CREB3L3: variants seen among roughly 807,000 people sequenced by gnomAD.
CREB3L3 encodes the protein cyclic AMP-responsive element-binding protein 3-like protein 3.
Under a neutral mutation model 44.6 loss-of-function variants are expected in CREB3L3, and 40 were observed. The observed-to-expected ratio is 0.90, with a 90% CI of 0.70 to 1.17. CREB3L3 has a LOEUF of 1.17. Among genes scored for constraint, CREB3L3 ranks in the 50% most tolerant of loss-of-function variants. The probability of loss-of-function intolerance (pLI) is 0.00; values close to 1 mark genes in which losing one functional copy is unlikely to be tolerated. For missense variants in CREB3L3, 578 were observed against 595.8 expected (o/e 0.97, Z 0.31); for synonymous variants, 273 against 256.3 (o/e 1.06, Z -0.62).
intron 4 of CREB3L3, among the ~76,000 whole-genome samples, chr19:4,162,616 C>T (rs1013935078): frequency 1.5e-4 from 23 of 150,814 alleles, no homozygotes; most frequent in African/African-American, 5.4e-4. Context: ...CTCAGGAGGT[C>T]AAGGCTGCAG....
In CREB3L3 at chr19:4,156,867, T is replaced by C. The variant is rs1233914225; in HGVS notation, c.157-128T>C. On this transcript the variant is annotated intron_variant, in intron 2 of 9. Transcript: ENST00000078445. ...CAGCAGCCCCGGGAGGAAGAAGCAG[T>C]AACTCATCTTGGAGAAGGGAAGGAC... The C allele has an allele frequency of 4.7e-5, 40 of 858,302 alleles. No homozygotes were observed. The East Asian group carries it at 1.2e-3, about 25-fold the overall frequency. The allele number at this position is 858,302 out of a possible 1,614,324, so 53.2% of individuals were successfully genotyped here.
intron 5 of CREB3L3, among the ~76,000 whole-genome samples, chr19:4,167,266 C>T (rs1966925670): frequency 1.3e-5 from 2 of 151,176 alleles, no homozygotes; most frequent in African/African-American, 2.4e-5. Flanking sequence ...TCACTTGAAC[C>T]CTGGGGGTGG....
chr19:4,155,080 C>G lies in CREB3L3; in HGVS notation c.156+53C>G, dbSNP rs954824933. 4 of 1,597,410 alleles carry G rather than the reference C, an allele frequency of 2.5e-6. No homozygotes were observed. The African/African-American group carries it at 5.3e-5, about 21-fold the overall frequency. On this transcript the variant is annotated intron_variant, in intron 2 of 9. Transcript: ENST00000078445. The stretch of plus-strand genomic sequence containing the variant: ...GACCACAGAGCTCCAGGCGGGCCAA[C>G]TGAGGCCCCACGAAGGTGCTAGACC...
At chr19:4,170,628 G>A (rs545948660) in intron 7 of CREB3L3, among the ~76,000 whole-genome samples, 1 of 150,024 alleles carries the variant, frequency 6.7e-6, no homozygotes, top group South Asian at 2.1e-4. Context: ...AAATAAATAA[G>A]GCCTGGTGTG....
chr19:4,160,803 G>A (rs350868), intron 4 of CREB3L3, among the ~76,000 whole-genome samples: 92,648 of 146,468 alleles, frequency 0.63, 29,637 homozygotes, highest in East Asian at 0.9. Flanking sequence ...GCGTGATCTC[G>A]GCTCACTGCA....
chr19:4,168,434 A>G lies in CREB3L3; in HGVS notation c.798A>G (p.Glu266=), dbSNP rs2145139480. The G allele has an allele frequency of 2.5e-6, 4 of 1,608,348 alleles. No homozygotes were observed. In the East Asian group the frequency reaches 9.0e-5, roughly 36 times the overall value. ...AAGAAAGCAGGAAGAAGAAGAAGGA[A>G]TATATCGATGGCCTGGAGACTCGGT... is the stretch of plus-strand genomic sequence containing the variant. ...SAQESRKKKK[E]YIDGLETRMS... The change falls in exon 6 of 10, where the codon GAA becomes GAG. Residue 266 remains glutamate, a synonymous_variant. Transcript: ENST00000078445.
At chr19:4,170,543 C>T (rs112064981) in intron 7 of CREB3L3, among the ~76,000 whole-genome samples, 28 of 151,698 alleles carry the variant, frequency 1.8e-4, no homozygotes, top group African/African-American at 5.6e-4. Flanking sequence ...ACTCGGGAGG[C>T]GGAGGTTGCC....
In CREB3L3 at chr19:4,164,700, G is replaced by A. The variant is rs900571298; in HGVS notation, c.714+60G>A. On this transcript the variant is annotated intron_variant, in intron 5 of 9. Coordinates refer to ENST00000078445, the MANE Select transcript of CREB3L3 (RefSeq NM_032607.3). ...CTCCCCTTCGTGCACTTACCTGCAT[G>A]TGTGTCCCACCTTTATTTATTTATT... 7.2e-4 allele frequency: 1,140 copies of A among 1,576,314 alleles called. 1 individual carries two copies. The highest frequency in any genetic ancestry group is 7.5e-4 in the Non-Finnish European group (861 of 1,149,044).
At chr19:4,169,584 C>CTTT (rs34259250) in intron 6 of CREB3L3, among the ~76,000 whole-genome samples, 1,132 of 95,122 alleles carry the variant, frequency 0.012, 105 homozygotes, top group African/African-American at 0.047. Flanking sequence ...GGAGGCTCAG[C>CTTT]TTTTTTTTTT....
chr19:4,170,286 T>A, intron 7 of CREB3L3, 78 bp downstream of exon 7: 1 of 1,373,896 alleles, frequency 7.3e-7, no homozygotes, highest in Non-Finnish European at 1.0e-6. Flanking sequence ...AGAGAGCCCA[T>A]GTGATGGCAG....
rs754035176 is a variant in CREB3L3 at position 4,164,617 on chromosome 19, C to T, written c.691C>T (p.Pro231Ser). ...GCTGGCTAAAGAAGGCATCACCCTG[C>T]CCACTCAGCTGCCCCTCACTAAGGT... ...KLLAKEGITL[P>S]TQLPLTKYEE... Residue 231 changes from proline to serine, a missense_variant, in exon 5 of 10, where the codon CCC becomes TCC. Transcript: ENST00000078445. 1 of 1,613,940 alleles carries T rather than the reference C, an allele frequency of 6.2e-7. No individual in the cohort carries two copies. Among genetic ancestry groups the T allele is most frequent in the East Asian group, 2.2e-5 (1 of 44,880 alleles).
Position 4,171,126 on chromosome 19 carries a change from T to C in CREB3L3, c.926T>C (p.Ile309Thr), listed in dbSNP as rs759069976. ...GAGCAACTGAAGAAACTCCAGGCCA[T>C]TGTGGTGCAGTCCACCAGCAAGTCA... The part of the protein sequence containing the change: ...LLEQLKKLQA[I>T]VVQSTSKSAQ... The change falls in exon 8 of 10, where the codon ATT becomes ACT. Residue 309 changes from isoleucine (I) to threonine (T), a missense_variant. Coordinates refer to ENST00000078445, the MANE Select transcript of CREB3L3 (RefSeq NM_032607.3). The surrounding 1 kb of genome is among the most constrained non-coding windows in gnomAD (Gnocchi z 4.9). 13 of 1,613,936 alleles carry C rather than the reference T, an allele frequency of 8.1e-6. No homozygotes were observed. The highest frequency in any genetic ancestry group is 2.7e-5 in the African/African-American group (2 of 74,906).
At position 4,153,637 on chromosome 19, in the gene CREB3L3, G is replaced by A. The variant is rs1000233955; in HGVS notation, c.-111G>A. 7.5e-7 allele frequency: 1 copy of A among 1,331,334 alleles called. No homozygotes were observed. The highest frequency in any genetic ancestry group is 1.1e-6 in the Non-Finnish European group (1 of 936,314). The allele number at this position is 1,331,334 out of a possible 1,614,324, so 82.5% of individuals were successfully genotyped here. A position where few individuals can be genotyped will look rare whatever the true frequency, so the allele number is the denominator to read the frequency against. ...AGCATCTTTTGGGAGTGGTGACAGA[G>A]CCACAGAGGGCTGTGAGCTTGCCCG... On this transcript the variant is annotated 5_prime_UTR_variant, in exon 1 of 10. Coordinates refer to ENST00000078445, the MANE Select transcript of CREB3L3 (RefSeq NM_032607.3).
chr19:4,167,389 AAAAGAAAG>A (rs755670390), intron 5 of CREB3L3, among the ~76,000 whole-genome samples: 38 of 151,030 alleles, frequency 2.5e-4, no homozygotes, highest in Non-Finnish European at 4.0e-4. Context: ...GGAAGGAAAG[AAAAGAAAG>A]AAAGAAAGAA....
At chr19:4,161,634 TAGG>T (rs2041664144) in intron 4 of CREB3L3, among the ~76,000 whole-genome samples, 2 of 19,912 alleles carry the variant, frequency 1.0e-4, no homozygotes, top group Non-Finnish European at 2.2e-4. Context: ...GATGAGAAGG[TAGG>T]TCAAGGCCCA....
rs775439678 is a variant in CREB3L3, at chr19:4,159,761, T to C, written c.555T>C (p.Leu185=). The C allele has an allele frequency of 4.1e-5, 63 of 1,548,874 alleles. No individual in the cohort carries two copies. Among genetic ancestry groups the C allele is most frequent in the Non-Finnish European group, 5.4e-5 (60 of 1,120,898 alleles). Residue 185 remains leucine, a synonymous_variant, in exon 4 of 10, where the codon CTT becomes CTC. Coordinates refer to ENST00000078445, the MANE Select transcript of CREB3L3 (RefSeq NM_032607.3). The part of the protein sequence containing the change: ...RCNLTVKDLL[L]SGSSGDLQQH... ...ATCTCACCGTGAAAGACCTCCTCCT[T>C]TCGGGCAGCAGTGGGGACCTGGTGA...
At chr19:4,160,432 C>T (rs1033275165) in intron 4 of CREB3L3, among the ~76,000 whole-genome samples, 9 of 149,684 alleles carry the variant, frequency 6.0e-5, no homozygotes, top group East Asian at 2.0e-4. Flanking sequence ...AGTGCAGTGG[C>T]GCAATCCTAG....
intron 2 of CREB3L3, 46 bp downstream of exon 2, chr19:4,155,073 G>T: frequency 6.3e-7 from 1 of 1,598,880 alleles, no homozygotes; most frequent in African/African-American, 1.3e-5. Context: ...AGCTCCAGGC[G>T]GGCCAACTGA....
rs745478008 is a variant in CREB3L3 at position 4,168,425 on chromosome 19, G to A, written c.789G>A (p.Lys263=). 4 of 1,611,218 alleles carry A rather than the reference G, an allele frequency of 2.5e-6. No individual in the cohort carries two copies. In the Admixed American group the frequency reaches 5.0e-5, roughly 20 times the overall value. The stretch of plus-strand genomic sequence containing the variant: ...AGTCGGCGCAAGAAAGCAGGAAGAA[G>A]AAGAAGGAATATATCGATGGCCTGG... ...NKQSAQESRK[K]KKEYIDGLET... is the part of the protein sequence containing the mutation. Residue 263 remains lysine, a synonymous_variant, in exon 6 of 10, where the codon AAG becomes AAA. Coordinates refer to ENST00000078445, the MANE Select transcript of CREB3L3 (RefSeq NM_032607.3).
Sources: allele counts gnomAD v4.1 joint callset (sites outside exome capture counted in the v4.1 genomes callset), GRCh38; gene constraint gnomAD v4.1.1; non-coding constraint Gnocchi (gnomAD v3.1); transcripts MANE v1.5; gene names NCBI Gene and HGNC (gene_info 2026-07-23, HGNC 2026-07-21).